Variants in RBM19 observed in about 807,000 individuals in gnomAD.
The protein encoded by RBM19 is RNA binding motif protein 19.
RBM19 carries 94 observed loss-of-function variants against 116.8 expected under a neutral mutation model. That is an observed-to-expected ratio of 0.80 (90% CI 0.68 to 0.95). RBM19 has a LOEUF of 0.95. RBM19 is among the 40% of genes least tolerant of loss of function. The probability of loss-of-function intolerance (pLI) is 0.00; values close to 1 mark genes in which losing one functional copy is unlikely to be tolerated. For synonymous variants in RBM19, 475 were observed against 494.1 expected, an observed-to-expected ratio of 0.96 and a Z score of 0.51; for missense variants, 1,161 against 1,220.7, an observed-to-expected ratio of 0.95 and a Z score of 0.73.
At chr12:113,906,008 C>A (rs1882018200) in intron 21 of RBM19, among the ~76,000 whole-genome samples, 1 of 152,212 alleles carries the variant, frequency 6.6e-6, no homozygotes, top group Non-Finnish European at 1.5e-5. Context: ...ACACCATAAA[C>A]TGACCGTGGA....
chr12:113,823,067 C>T lies in RBM19; in HGVS notation c.*157G>A. ...CCGCTGGGCAGTGGCCTGAGGCCTT[C>T]CTCATCCCCTGTCTCCTCCGACCTT... is the stretch of plus-strand genomic sequence containing the variant. On this transcript the variant is annotated 3_prime_UTR_variant, in exon 24 of 24. Coordinates refer to ENST00000261741, the MANE Select transcript of RBM19 (RefSeq NM_016196.4). 1 of 664,560 alleles carries T rather than the reference C, an allele frequency of 1.5e-6. No individual in the cohort carries two copies. Among genetic ancestry groups the T allele is most frequent in the Non-Finnish European group, 2.5e-6 (1 of 396,558 alleles). 41.2% of individuals were successfully genotyped at this position (664,560 alleles called of 1,614,324 possible).
intron 16 of RBM19, among the ~76,000 whole-genome samples, chr12:113,931,104 A>G (rs908476393): frequency 2.6e-5 from 4 of 152,246 alleles, no homozygotes; most frequent in Non-Finnish European, 5.9e-5. Flanking sequence ...CGATAATGTA[A>G]TAATTATGAC....
intron 2 of RBM19, 74 bp from the exon 3 acceptor site, chr12:113,960,252 G>C (rs1872377575): frequency 6.3e-7 from 1 of 1,598,520 alleles, no homozygotes; most frequent in East Asian, 2.2e-5. Flanking sequence ...CGGCACCTGG[G>C]AGCTCGGGCA....
At chr12:113,955,275 G>T in intron 6 of RBM19, 64 bp from the exon 7 acceptor site, 2 of 1,487,770 alleles carry the variant, frequency 1.3e-6, no homozygotes, top group Non-Finnish European at 1.9e-6. Context: ...GCAGGAGGTG[G>T]CACACTGGGA....
intron 21 of RBM19, among the ~76,000 whole-genome samples, chr12:113,876,336 C>T (rs1423688231): frequency 6.6e-6 from 1 of 152,190 alleles, no homozygotes; most frequent in Admixed American, 6.5e-5. Flanking sequence ...GTCCAGCTGC[C>T]TCCAGTGCTT....
intron 22 of RBM19, among the ~76,000 whole-genome samples, chr12:113,852,253 G>T (rs759904): frequency 0.044 from 6,688 of 152,110 alleles, 365 homozygotes; most frequent in Admixed American, 0.15. Context: ...ACAATTAGCA[G>T]GGGGGTCCGT....
At chr12:113,857,191 C>T (rs1031458590) in intron 22 of RBM19, among the ~76,000 whole-genome samples, 5 of 152,222 alleles carry the variant, frequency 3.3e-5, no homozygotes, top group African/African-American at 7.2e-5. Context: ...GGAGAAAAGA[C>T]GCTGCCCTGT....
chr12:113,885,160 T>C (rs979945448), intron 21 of RBM19, among the ~76,000 whole-genome samples: 3 of 152,234 alleles, frequency 2.0e-5, no homozygotes, highest in African/African-American at 7.2e-5. Context: ...ACATATTTCT[T>C]AATTACAAAG....
At chr12:113,872,554 C>G (rs1593514408) in intron 21 of RBM19, among the ~76,000 whole-genome samples, 1 of 123,258 alleles carries the variant, frequency 8.1e-6, no homozygotes, top group South Asian at 3.1e-4. Flanking sequence ...CCAGCCGCCC[C>G]GTCCGGGAGG....
intron 21 of RBM19, among the ~76,000 whole-genome samples, chr12:113,889,006 C>G (rs1041742622): frequency 6.6e-6 from 1 of 152,192 alleles, no homozygotes; most frequent in African/African-American, 2.4e-5. Flanking sequence ...GGGTGGTGGC[C>G]ATGCATGTGA....
At position 113,890,168 on chromosome 12, in the gene RBM19, T is replaced by G. The variant is rs188037853; in HGVS notation, c.2558+24801A>C. On this transcript the variant is annotated intron_variant, in intron 21 of 23. Transcript: ENST00000261741. The stretch of plus-strand genomic sequence containing the variant: ...AAATAAAATAAATTAAATAAAACAC[T>G]AGACACAATCTGAGTCTTTTACGGC... Among the ~76,000 whole-genome samples, 209 of 152,322 alleles carry G rather than the reference T, an allele frequency of 1.4e-3. 1 individual carries two copies. The highest frequency in any genetic ancestry group is 0.011 in the Admixed American group (164 of 15,304).
chr12:113,859,166 GCCC>G (rs748776043), intron 21 of RBM19, among the ~76,000 whole-genome samples: 2 of 152,170 alleles, frequency 1.3e-5, no homozygotes, highest in Non-Finnish European at 2.9e-5. Flanking sequence ...GAGACTCCCT[GCCC>G]CCATGGGGCC....
chr12:113,930,993 T>G (rs1869552244), intron 16 of RBM19, among the ~76,000 whole-genome samples: 1 of 152,020 alleles, frequency 6.6e-6, no homozygotes, highest in African/African-American at 2.4e-5. Flanking sequence ...ATACCAAAAA[T>G]ACATACACAA....
chr12:113,959,464 G>A (rs866173285), intron 4 of RBM19, 60 bp from the exon 5 acceptor site: 1 of 1,535,614 alleles, frequency 6.5e-7, no homozygotes, highest in Non-Finnish European at 8.9e-7. Context: ...AAGAGGCAGA[G>A]AAGGCTCAGG....
intron 21 of RBM19, among the ~76,000 whole-genome samples, chr12:113,914,741 C>G (rs528737976): frequency 6.6e-6 from 1 of 152,312 alleles, no homozygotes; most frequent in East Asian, 1.9e-4. Flanking sequence ...CCATCTGCCT[C>G]GGAGAGGGGG....
chr12:113,918,386 ACTCACTTAGTGG>A lies in RBM19; in HGVS notation c.2435_2441+5del. 6.2e-7 allele frequency: 1 copy of A among 1,612,864 alleles called. No individual in the cohort carries two copies. Among genetic ancestry groups the A allele is most frequent in the Non-Finnish European group, 8.5e-7 (1 of 1,179,598 alleles). ...AGGAAAGGAAATGAGGACACTGAAG[ACTCACTTAGTGG>A]CTCGTTCCGAGATCCTCACTTCCAG... On this transcript the variant is annotated splice_donor_variant and splice_donor_5th_base_variant and coding_sequence_variant and intron_variant, in exon 20 of 24. Transcript: ENST00000261741. LOFTEE classifies it high-confidence loss of function.
intron 21 of RBM19, among the ~76,000 whole-genome samples, chr12:113,911,909 A>G (rs16943371): frequency 6.6e-6 from 1 of 152,098 alleles, no homozygotes; most frequent in Non-Finnish European, 1.5e-5. Context: ...GGGAAACTGA[A>G]GTCCGAAAAG....
intron 21 of RBM19, among the ~76,000 whole-genome samples, chr12:113,909,039 G>A (rs939269979): frequency 6.6e-6 from 1 of 152,200 alleles, no homozygotes; most frequent in African/African-American, 2.4e-5. Flanking sequence ...GGGACTGCAG[G>A]ACCGCAGGAC....
At chr12:113,871,743 C>T (rs927964078) in intron 21 of RBM19, among the ~76,000 whole-genome samples, 10 of 152,240 alleles carry the variant, frequency 6.6e-5, no homozygotes, top group African/African-American at 2.2e-4. Flanking sequence ...TGACCAGTGT[C>T]CCCAGACTGT....
Sources: gnomAD v4.1 joint callset for allele counts (sites outside exome capture counted in the v4.1 genomes callset) on GRCh38, gnomAD v4.1.1 for gene constraint, MANE v1.5 for transcripts, NCBI Gene and HGNC (gene_info 2026-07-23, HGNC 2026-07-21) for gene names.